Variants in PTPRD observed in about 807,000 individuals in gnomAD.
PTPRD encodes the protein protein tyrosine phosphatase receptor type D, also known as receptor-type tyrosine-protein phosphatase delta.
In PTPRD, 34 loss-of-function variants were observed where a neutral mutation model predicts 214.5. That is an observed-to-expected ratio of 0.16 (90% CI 0.12 to 0.21). The LOEUF (loss-of-function observed/expected upper bound fraction) is 0.21. PTPRD is among the 10% of genes least tolerant of loss of function. PTPRD has a pLI of 1.00. For missense variants in PTPRD, 2,545 were observed against 2,398.7 expected, an observed-to-expected ratio of 1.06 and a Z score of -1.27; for synonymous variants, 1,128 against 845.7, an observed-to-expected ratio of 1.33 and a Z score of -5.79.
chr9:9,710,010 C>A (rs1001676287), intron 7 of PTPRD, among the ~76,000 whole-genome samples: 1 of 151,740 alleles, frequency 6.6e-6, no homozygotes, highest in Non-Finnish European at 1.5e-5. Context: ...ATGCTGATTA[C>A]ATCCAATGAG....
At chr9:10,363,159 A>G (rs1277409903) in intron 2 of PTPRD, among the ~76,000 whole-genome samples, 1 of 152,162 alleles carries the variant, frequency 6.6e-6, no homozygotes, top group Non-Finnish European at 1.5e-5. Flanking sequence ...TATTTATACA[A>G]CAAATTGTGA....
intron 8 of PTPRD, among the ~76,000 whole-genome samples, chr9:9,533,466 C>T (rs1471726328): frequency 1.3e-5 from 2 of 151,964 alleles, no homozygotes; most frequent in African/African-American, 2.4e-5. Context: ...TTTTGATGCT[C>T]TGGGTTTTAT....
chr9:10,441,130 A>G (rs917189021), intron 2 of PTPRD, among the ~76,000 whole-genome samples: 4 of 151,604 alleles, frequency 2.6e-5, no homozygotes, highest in African/African-American at 9.7e-5. Flanking sequence ...ATGTCCTCCA[A>G]TTTTGCTCTC....
chr9:9,471,279 A>T (rs2094568363), intron 8 of PTPRD, among the ~76,000 whole-genome samples: 1 of 152,190 alleles, frequency 6.6e-6, no homozygotes, highest in Non-Finnish European at 1.5e-5. Context: ...TATTTCTATG[A>T]ATGAAGGCCA....
intron 14 of PTPRD, among the ~76,000 whole-genome samples, chr9:8,628,614 CAAA>C (rs57311712): frequency 2.0e-5 from 2 of 101,242 alleles, no homozygotes; most frequent in Non-Finnish European, 2.2e-5. Context: ...CATATCAGGC[CAAA>C]AAAAAAAAAA....
At chr9:8,864,979 T>C (rs574998068) in intron 11 of PTPRD, among the ~76,000 whole-genome samples, 1 of 152,360 alleles carries the variant, frequency 6.6e-6, no homozygotes, top group East Asian at 1.9e-4. Context: ...GCCATAATTA[T>C]ACTTTTCTCT....
chr9:9,093,532 A>C (rs2099779246), intron 10 of PTPRD, among the ~76,000 whole-genome samples: 1 of 152,058 alleles, frequency 6.6e-6, no homozygotes, highest in African/African-American at 2.4e-5. Flanking sequence ...TAAACAATCT[A>C]GAAAATTCCC....
chr9:8,320,142 A>G (rs2074365949), intron 44 of PTPRD, among the ~76,000 whole-genome samples, 176 bp from the exon 45 acceptor site: 1 of 152,112 alleles, frequency 6.6e-6, no homozygotes, highest in African/African-American at 2.4e-5. Context: ...CTGAGTTGTA[A>G]CAGCATGTGA....
At chr9:8,995,570 AC>A (rs1340621139) in intron 11 of PTPRD, among the ~76,000 whole-genome samples, 2 of 151,914 alleles carry the variant, frequency 1.3e-5, no homozygotes, top group African/African-American at 2.4e-5. Context: ...CTCTCTCTAC[AC>A]CCTCTTGAAT....
chr9:10,227,320 G>C (rs1430517038), intron 3 of PTPRD, among the ~76,000 whole-genome samples: 2 of 151,946 alleles, frequency 1.3e-5, no homozygotes, highest in Admixed American at 6.6e-5. Flanking sequence ...ATAATGAAAA[G>C]TCAAGAATGA....
chr9:9,046,678 G>A (rs984933523), intron 10 of PTPRD, among the ~76,000 whole-genome samples: 4 of 152,118 alleles, frequency 2.6e-5, no homozygotes, highest in Non-Finnish European at 5.9e-5. Flanking sequence ...GGCTTTGCAA[G>A]ACATGAAATC....
chr9:8,381,718 T>C lies in PTPRD; in HGVS notation c.4387-4992A>G, dbSNP rs1035666381. On this transcript the variant is annotated intron_variant, in intron 37 of 45. Transcript: ENST00000381196. Reference sequence around the variant, plus strand: ...TACATGTCATAAAATTGCCTACCAGTTCATTGAACCATTCGCACACTTTCT... The same window carrying C: ...TACATGTCATAAAATTGCCTACCAGCTCATTGAACCATTCGCACACTTTCT... 2.0e-5 allele frequency among the ~76,000 whole-genome samples: 3 copies of C among 152,176 alleles called. No homozygotes were observed. In the East Asian group the frequency reaches 5.8e-4, roughly 29 times the overall value.
At chr9:9,515,382 G>C (rs181571017) in intron 8 of PTPRD, among the ~76,000 whole-genome samples, 8 of 152,138 alleles carry the variant, frequency 5.3e-5, no homozygotes, top group African/African-American at 1.4e-4. Flanking sequence ...TTAATCTTAA[G>C]GGGGCACTAT....
chr9:8,532,732 G>C (rs931926656), intron 14 of PTPRD, among the ~76,000 whole-genome samples: 1 of 151,960 alleles, frequency 6.6e-6, no homozygotes, highest in Non-Finnish European at 1.5e-5. Flanking sequence ...CTGTCATTTT[G>C]AGAGGCCATT....
intron 7 of PTPRD, among the ~76,000 whole-genome samples, chr9:9,659,336 G>A (rs571173908): frequency 6.6e-6 from 1 of 152,168 alleles, no homozygotes; most frequent in African/African-American, 2.4e-5. Flanking sequence ...GAATATTTGA[G>A]AGAGAAAAAA....
At position 9,091,933 on chromosome 9, in the gene PTPRD, T is replaced by A. The variant is rs187132437; in HGVS notation, c.-142-73198A>T. 2.7e-3 allele frequency among the ~76,000 whole-genome samples: 417 copies of A among 152,330 alleles called. 1 individual carries two copies. Among genetic ancestry groups the A allele is most frequent in the African/African-American group, 9.4e-3 (390 of 41,584 alleles). On this transcript the variant is annotated intron_variant, in intron 10 of 45. Coordinates refer to ENST00000381196, the MANE Select transcript of PTPRD (RefSeq NM_002839.4). ...TAACAAAAAATTCTTATCTCACTAATGTCACCTTCTATCTGCCAGGATTAG... is the reference window on the plus strand; with the variant it reads ...TAACAAAAAATTCTTATCTCACTAAAGTCACCTTCTATCTGCCAGGATTAG...
At chr9:8,620,026 T>A (rs1054932330) in intron 14 of PTPRD, among the ~76,000 whole-genome samples, 22 of 151,992 alleles carry the variant, frequency 1.4e-4, no homozygotes, top group Admixed American at 3.3e-4. Flanking sequence ...AGACCCCCTT[T>A]AGTAGTCAGT....
intron 9 of PTPRD, among the ~76,000 whole-genome samples, chr9:9,213,137 A>C (rs1274952225): frequency 6.6e-6 from 1 of 152,200 alleles, no homozygotes; most frequent in Non-Finnish European, 1.5e-5. Context: ...GTAGCTTCTC[A>C]AGGTGCTCTT....
intron 5 of PTPRD, among the ~76,000 whole-genome samples, chr9:9,832,039 TTA>T (rs747953558): frequency 3.9e-5 from 6 of 151,958 alleles, no homozygotes; most frequent in Non-Finnish European, 8.8e-5. Flanking sequence ...AGATGACATT[TTA>T]TGTCTTTAAC....
Sources: gnomAD v4.1 joint callset for allele counts (sites outside exome capture counted in the v4.1 genomes callset) on GRCh38, gnomAD v4.1.1 for gene constraint, MANE v1.5 for transcripts, NCBI Gene and HGNC (gene_info 2026-07-23, HGNC 2026-07-21) for gene names.